Variants in CHODL observed in about 807,000 individuals in gnomAD.
The protein encoded by CHODL is chondrolectin, also known as transmembrane protein MT75.
In CHODL, 29 loss-of-function variants were observed where a neutral mutation model predicts 34.5. The observed-to-expected ratio is 0.84, with a 90% CI of 0.63 to 1.15. The LOEUF is 1.15. CHODL is among the 50% of genes most tolerant of loss of function. CHODL has a pLI of 0.00. For synonymous variants in CHODL, 125 were observed against 116.1 expected (o/e 1.08, Z -0.49); for missense variants, 332 against 332.5 (o/e 1.00, Z 0.01).
chr21:18,256,847 G>A, intron 2 of CHODL, 29 bp downstream of exon 2: 1 of 1,595,878 alleles, frequency 6.3e-7, no homozygotes, highest in Non-Finnish European at 8.6e-7. Flanking sequence ...CAGTTGGCAG[G>A]TGCTCTGGGG....
At chr21:17,996,886 A>G (rs569105235) in intron 1 of CHODL, among the ~76,000 whole-genome samples, 4 of 152,336 alleles carry the variant, frequency 2.6e-5, no homozygotes, top group Admixed American at 1.3e-4. Context: ...TATGATTCCT[A>G]TCATAAAATT....
intron 2 of CHODL, among the ~76,000 whole-genome samples, chr21:18,081,836 C>G (rs899596541): frequency 1.3e-5 from 2 of 152,116 alleles, no homozygotes; most frequent in Non-Finnish European, 1.5e-5. Context: ...TCTTCTGTGG[C>G]TAGTTTGTTG....
intron 2 of CHODL, among the ~76,000 whole-genome samples, chr21:18,071,289 G>T (rs2064802080): frequency 6.6e-6 from 1 of 151,764 alleles, no homozygotes. Context: ...TAGGACTACA[G>T]GTGCATGCCA....
At chr21:18,109,450 G>A (rs1471785360) in intron 2 of CHODL, among the ~76,000 whole-genome samples, 2 of 152,138 alleles carry the variant, frequency 1.3e-5, no homozygotes, top group African/African-American at 4.8e-5. Context: ...ATGAGCCATA[G>A]AAACAGTAGG....
intron 1 of CHODL, among the ~76,000 whole-genome samples, chr21:17,934,904 A>G (rs949237400): frequency 1.3e-5 from 2 of 152,200 alleles, no homozygotes; most frequent in African/African-American, 4.8e-5. Context: ...AGGCCAATAG[A>G]CACCTATTTA....
chr21:17,952,159 A>T (rs79483456), intron 1 of CHODL, among the ~76,000 whole-genome samples: 1,963 of 133,142 alleles, frequency 0.015, 46 homozygotes, highest in African/African-American at 0.052. Flanking sequence ...TCAGTGCTTC[A>T]GTGAGCCATG....
At chr21:18,121,193 G>C (rs897830434) in intron 2 of CHODL, among the ~76,000 whole-genome samples, 1 of 152,078 alleles carries the variant, frequency 6.6e-6, no homozygotes, top group African/African-American at 2.4e-5. Context: ...GACTCAGCAG[G>C]GGTGTCCAAT....
chr21:18,145,278 A>C (rs2146616566), intron 2 of CHODL, among the ~76,000 whole-genome samples: 1 of 147,204 alleles, frequency 6.8e-6, no homozygotes, highest in Non-Finnish European at 1.5e-5. Flanking sequence ...TCTACTAAAA[A>C]TACAAAAAAT....
intron 1 of CHODL, among the ~76,000 whole-genome samples, chr21:18,022,955 G>A (rs528434307): frequency 1.1e-4 from 17 of 152,294 alleles, no homozygotes; most frequent in African/African-American, 4.1e-4. Context: ...AGCATGAAAG[G>A]GCAAGTTTTG....
At chr21:18,198,220 A>G (rs1349928163) in intron 2 of CHODL, among the ~76,000 whole-genome samples, 3 of 152,170 alleles carry the variant, frequency 2.0e-5, no homozygotes, top group African/African-American at 7.2e-5. Context: ...GGTAGATACA[A>G]TAGTTTATGG....
intron 1 of CHODL, among the ~76,000 whole-genome samples, chr21:18,019,835 T>G (rs1437396430): frequency 6.6e-6 from 1 of 152,160 alleles, no homozygotes; most frequent in Non-Finnish European, 1.5e-5. Context: ...TCAGCCCGTA[T>G]GTGGACCTAC....
At chr21:18,207,659 C>T (rs1041090997) in intron 2 of CHODL, among the ~76,000 whole-genome samples, 158 of 55,912 alleles carry the variant, frequency 2.8e-3, no homozygotes, top group South Asian at 3.5e-3. Context: ...AATCTCTCAG[C>T]TTTTTTTTTT....
Position 17,997,453 on chromosome 21 carries a change from G to C in CHODL, c.-144-30419G>C, listed in dbSNP as rs149843999. Reference sequence around the variant, plus strand: ...GCCAACATCAACATTCCCTGGGCTTGGCAGATATTGGAAAATGACTCTTTT... The same window carrying C: ...GCCAACATCAACATTCCCTGGGCTTCGCAGATATTGGAAAATGACTCTTTT... On this transcript the variant is annotated intron_variant, in intron 1 of 6. Transcript: ENST00000400127. Among the ~76,000 whole-genome samples, 844 of 152,296 alleles carry C rather than the reference G, an allele frequency of 5.5e-3. 8 individuals carry two copies. Among genetic ancestry groups the C allele is most frequent in the African/African-American group, 0.013 (555 of 41,550 alleles).
chr21:18,227,018 A>G (rs1568945037), intron 2 of CHODL, among the ~76,000 whole-genome samples: 1 of 152,210 alleles, frequency 6.6e-6, no homozygotes, highest in East Asian at 1.9e-4. Context: ...GAGGCTAGAA[A>G]GTCCATGACC....
chr21:18,250,657 A>T (rs2074224616), intron 1 of CHODL, among the ~76,000 whole-genome samples: 1 of 151,994 alleles, frequency 6.6e-6, no homozygotes, highest in African/African-American at 2.4e-5. Flanking sequence ...TTTTCTTTTT[A>T]GTTCAAAAGT....
At chr21:18,017,058 TGGAAG>T (rs777707478) in intron 1 of CHODL, among the ~76,000 whole-genome samples, 3 of 152,240 alleles carry the variant, frequency 2.0e-5, no homozygotes, top group Non-Finnish European at 4.4e-5. Flanking sequence ...GGCTCGTAGT[TGGAAG>T]GGACTTGTCT....
At chr21:18,160,543 G>A (rs1424296055) in intron 2 of CHODL, among the ~76,000 whole-genome samples, 1 of 151,824 alleles carries the variant, frequency 6.6e-6, no homozygotes, top group African/African-American at 2.4e-5. Context: ...GTGTCCAAGT[G>A]TTCTCAACAT....
intron 1 of CHODL, among the ~76,000 whole-genome samples, chr21:17,998,981 C>T (rs932280322): frequency 2.0e-5 from 3 of 152,206 alleles, no homozygotes; most frequent in Non-Finnish European, 4.4e-5. Context: ...TTTTTCATTC[C>T]TACTGCATTG....
chr21:18,199,686 A>G (rs759892737), intron 2 of CHODL, among the ~76,000 whole-genome samples: 5 of 152,138 alleles, frequency 3.3e-5, no homozygotes, highest in Admixed American at 6.5e-5. Context: ...TGTCTATTAC[A>G]TAATGTCATA....
Sources: allele counts gnomAD v4.1 joint callset (sites outside exome capture counted in the v4.1 genomes callset), GRCh38; gene constraint gnomAD v4.1.1; transcripts MANE v1.5; gene names NCBI Gene and HGNC (gene_info 2026-07-23, HGNC 2026-07-21).